The following EPHX2 variants were observed in gnomAD, a reference collection of about 807,000 sequenced individuals.
The protein encoded by EPHX2 is bifunctional epoxide hydrolase 2.
EPHX2 carries 74 observed loss-of-function variants against 78.7 expected under a neutral mutation model. The ratio of observed to expected loss-of-function variants is 0.94; its 90% CI spans 0.78 to 1.14. The LOEUF is 1.14. EPHX2 is among the 50% of genes most tolerant of loss of function. The pLI is 0.00. For synonymous variants in EPHX2, 251 were observed against 255.2 expected (o/e 0.98, Z 0.16); for missense variants, 715 against 702.5 (o/e 1.02, Z -0.20).
At chr8:27,536,021 A>T (rs1815199327) in intron 12 of EPHX2, among the ~76,000 whole-genome samples, 1 of 152,142 alleles carries the variant, frequency 6.6e-6, no homozygotes, top group South Asian at 2.1e-4. Context: ...TTCCCACCAT[A>T]CACAAGCCAG....
intron 5 of EPHX2, among the ~76,000 whole-genome samples, chr8:27,510,245 T>A (rs1168767071): frequency 6.6e-6 from 1 of 152,222 alleles, no homozygotes; most frequent in Admixed American, 6.5e-5. Flanking sequence ...CCTTTAGGAC[T>A]AAAAGTGACC....
At position 27,539,710 on chromosome 8, in the gene EPHX2, G is replaced by A. The variant is rs529340545; in HGVS notation, c.1277-844G>A. 1.3e-4 allele frequency among the ~76,000 whole-genome samples: 20 copies of A among 152,322 alleles called. No individual in the cohort carries two copies. In the South Asian group the frequency reaches 2.1e-3, roughly 16 times the overall value. On this transcript the variant is annotated intron_variant, in intron 14 of 18. Transcript: ENST00000521400. ...ACCCTCAGTGAGCCCACAGTCTCAC[G>A]GGAGGCAGAGCAGCTGGGATGCTCG...
chr8:27,530,754 AT>A (rs1815008715), intron 12 of EPHX2, among the ~76,000 whole-genome samples: 1 of 143,002 alleles, frequency 7.0e-6, no homozygotes, highest in Non-Finnish European at 1.5e-5. Flanking sequence ...TGTTACTTTA[AT>A]TTTTTTCTTT....
downstream of EPHX2, among the ~76,000 whole-genome samples, chr8:27,547,315 T>C (rs1054444548): frequency 6.6e-6 from 1 of 152,208 alleles, no homozygotes; most frequent in Non-Finnish European, 1.5e-5. Flanking sequence ...GCAGTGGTGG[T>C]ATCAGGGCAT....
intron 10 of EPHX2, among the ~76,000 whole-genome samples, chr8:27,521,520 T>C (rs1406712294): frequency 6.6e-6 from 1 of 151,772 alleles, no homozygotes. Context: ...GGCCTCTTAA[T>C]TGGATGTGGG....
At chr8:27,518,927 C>CTATCCTGCTG (rs1427032150) in intron 9 of EPHX2, among the ~76,000 whole-genome samples, 1 of 152,254 alleles carries the variant, frequency 6.6e-6, no homozygotes, top group Non-Finnish European at 1.5e-5. Flanking sequence ...CCAGGAGCCC[C>CTATCCTGCTG]TATCCTGCTG....
At chr8:27,517,969 G>T (rs188474787) in intron 8 of EPHX2, 69 bp from the exon 9 acceptor site, 12 of 1,273,476 alleles carry the variant, frequency 9.4e-6, no homozygotes, top group African/African-American at 6.0e-5. Context: ...TTGCAAAAAG[G>T]TCCTTTTGAT....
intron 11 of EPHX2, among the ~76,000 whole-genome samples, chr8:27,525,126 C>A (rs908296165): frequency 7.1e-6 from 1 of 140,742 alleles, no homozygotes; most frequent in African/African-American, 2.8e-5. Context: ...GCGCGCGCAC[C>A]TATGTGTCTA....
At chr8:27,502,060 A>T (rs1430084451) in intron 2 of EPHX2, among the ~76,000 whole-genome samples, 1 of 152,218 alleles carries the variant, frequency 6.6e-6, no homozygotes, top group East Asian at 1.9e-4. Context: ...AAGAAATAAA[A>T]CATTCTCAGC....
chr8:27,491,715 A>G (rs1813386784), intron 1 of EPHX2, among the ~76,000 whole-genome samples: 2 of 152,316 alleles, frequency 1.3e-5, no homozygotes, highest in South Asian at 4.1e-4. Context: ...GCCCAAAGCC[A>G]CATCACTGGG....
intron 1 of EPHX2, among the ~76,000 whole-genome samples, chr8:27,497,014 G>A (rs1476076860): frequency 1.3e-5 from 2 of 152,184 alleles, no homozygotes; most frequent in East Asian, 3.8e-4. Flanking sequence ...TTACAACTGA[G>A]AAGGTGGGAA....
chr8:27,497,721 C>T (rs908680272), intron 1 of EPHX2, among the ~76,000 whole-genome samples: 11 of 152,146 alleles, frequency 7.2e-5, no homozygotes, highest in African/African-American at 1.4e-4. Context: ...CTCCTGTAGC[C>T]GCTCAAGGAA....
chr8:27,500,423 G>A (rs905480558), intron 1 of EPHX2, among the ~76,000 whole-genome samples: 7 of 152,232 alleles, frequency 4.6e-5, no homozygotes, highest in Non-Finnish European at 1.5e-5. Context: ...TCTGAGGTAC[G>A]TCTTTATAGC....
At chr8:27,522,392 A>G (rs1452666293) in intron 10 of EPHX2, 31 bp from the exon 11 acceptor site, 2 of 1,610,104 alleles carry the variant, frequency 1.2e-6, no homozygotes, top group Non-Finnish European at 1.7e-6. Context: ...AAGCCTCCCC[A>G]CATTCGGCTC....
chr8:27,503,317 G>C (rs1465471398), intron 2 of EPHX2, among the ~76,000 whole-genome samples: 1 of 152,146 alleles, frequency 6.6e-6, no homozygotes, highest in East Asian at 1.9e-4. Context: ...CTAAGACAGG[G>C]CTCTTAGGAA....
chr8:27,522,110 T>G (rs1453982478), intron 10 of EPHX2, among the ~76,000 whole-genome samples: 1 of 145,194 alleles, frequency 6.9e-6, no homozygotes, highest in Non-Finnish European at 1.5e-5. Context: ...AGAGGTAAGT[T>G]TTACTTCTTT....
chr8:27,538,568 T>C, intron 13 of EPHX2, 91 bp from the exon 14 acceptor site: 3 of 1,224,408 alleles, frequency 2.5e-6, no homozygotes, highest in Non-Finnish European at 3.5e-6. Flanking sequence ...ATATTTCCTT[T>C]GTCATTTGTC....
intron 10 of EPHX2, 145 bp from the exon 11 acceptor site, chr8:27,522,278 G>C: frequency 1.5e-6 from 1 of 649,150 alleles, no homozygotes; most frequent in Non-Finnish European, 2.7e-6. Context: ...GGAGGGAGGA[G>C]AGGCTTGAAG....
chr8:27,528,473 C>T (rs1031683488), intron 12 of EPHX2, among the ~76,000 whole-genome samples: 1 of 152,184 alleles, frequency 6.6e-6, no homozygotes, highest in African/African-American at 2.4e-5. Flanking sequence ...TAGGCAAAGG[C>T]ACTTCCCATC....
Sources: allele counts gnomAD v4.1 joint callset (sites outside exome capture counted in the v4.1 genomes callset), GRCh38; gene constraint gnomAD v4.1.1; transcripts MANE v1.5; gene names NCBI Gene and HGNC (gene_info 2026-07-23, HGNC 2026-07-21).